Variants in KLF12 observed in about 807,000 individuals in gnomAD.
The protein encoded by KLF12 is KLF transcription factor 12.
A neutral mutation model predicts 37.8 loss-of-function variants in KLF12; 9 were observed. The observed-to-expected ratio is 0.24, with a 90% CI of 0.14 to 0.42. The LOEUF (loss-of-function observed/expected upper bound fraction) is 0.42. Ranked by LOEUF, KLF12 falls within the 10% of genes least tolerant of loss-of-function variation. KLF12 has a pLI of 1.00. For missense variants in KLF12, 411 were observed against 516.0 expected (o/e 0.80, Z 1.97); for synonymous variants, 208 against 202.1 (o/e 1.03, Z -0.25).
chr13:74,176,555 C>G, the KLF12 span, among the ~76,000 whole-genome samples: 3 of 152,180 alleles, frequency 2.0e-5, no homozygotes, highest in Admixed American at 6.6e-5. Context: ...GCACTGAAAC[C>G]TTCAGCTCAG....
chr13:74,272,979 A>T, the KLF12 span, among the ~76,000 whole-genome samples: 1 of 152,180 alleles, frequency 6.6e-6, no homozygotes, highest in Admixed American at 6.5e-5. Context: ...AGGAGAAACT[A>T]CATTGCTTTA....
At chr13:73,896,608 C>T (rs1594225553) in intron 3 of KLF12, among the ~76,000 whole-genome samples, 1 of 152,196 alleles carries the variant, frequency 6.6e-6, no homozygotes, top group East Asian at 1.9e-4. Context: ...GTTTACATCC[C>T]CATCTAATTC....
the KLF12 span, among the ~76,000 whole-genome samples, chr13:74,246,596 A>T: frequency 1.3e-5 from 2 of 152,222 alleles, no homozygotes; most frequent in Non-Finnish European, 2.9e-5. Flanking sequence ...AACACAGACC[A>T]ATGTGAGGAA....
chr13:74,026,681 T>G (rs952724833), intron 1 of KLF12, among the ~76,000 whole-genome samples: 6 of 152,198 alleles, frequency 3.9e-5, no homozygotes, highest in Admixed American at 6.5e-5. Context: ...CAAATATCAG[T>G]ATCATTCACC....
chr13:73,844,046 T>C (rs12584443), intron 4 of KLF12, among the ~76,000 whole-genome samples: 2 of 152,242 alleles, frequency 1.3e-5, no homozygotes, highest in East Asian at 3.9e-4. Flanking sequence ...TTTGTTTCTT[T>C]CATTAGTGAA....
At chr13:73,920,286 T>C (rs954718107) in intron 3 of KLF12, among the ~76,000 whole-genome samples, 1 of 152,204 alleles carries the variant, frequency 6.6e-6, no homozygotes, top group African/African-American at 2.4e-5. Context: ...TATGTATAAC[T>C]ATGTACATAT....
At chr13:73,907,280 A>G (rs7318799) in intron 3 of KLF12, among the ~76,000 whole-genome samples, 7,542 of 152,112 alleles carry the variant, frequency 0.05, 440 homozygotes, top group African/African-American at 0.14. Flanking sequence ...ATGTCTACCT[A>G]TGGTGCCTCC....
intron 1 of KLF12, among the ~76,000 whole-genome samples, chr13:74,021,957 T>C (rs1212777292): frequency 6.6e-6 from 1 of 152,100 alleles, no homozygotes; most frequent in African/African-American, 2.4e-5. Flanking sequence ...TCTCAAAACA[T>C]AGTGATGGTC....
At chr13:73,801,874 C>A (rs932376727) in intron 5 of KLF12, 2 of 151,508 alleles carry the variant, frequency 1.3e-5, no homozygotes, top group African/African-American at 4.9e-5. Context: ...TTTTGGAATC[C>A]CCTACTTAAA....
chr13:74,214,363 C>T, the KLF12 span, among the ~76,000 whole-genome samples: 1 of 152,124 alleles, frequency 6.6e-6, no homozygotes. Context: ...TTCTCCTCTC[C>T]TCTGTTCTGG....
the KLF12 span, among the ~76,000 whole-genome samples, chr13:74,255,373 T>C: frequency 2.0e-5 from 3 of 152,218 alleles, no homozygotes; most frequent in African/African-American, 7.2e-5. Context: ...TATAACATCA[T>C]TGTTTTTGAT....
At chr13:74,220,118 A>G in the KLF12 span, among the ~76,000 whole-genome samples, 3 of 151,982 alleles carry the variant, frequency 2.0e-5, no homozygotes, top group Admixed American at 2.0e-4. Flanking sequence ...CTTTTTGTGC[A>G]TTGTTTTGGT....
At position 73,811,045 on chromosome 13, in the gene KLF12, A is replaced by G. The variant is rs187247765; in HGVS notation, c.806+2107T>C. ...CTGTTGCCCAGGCTGGAGTACAGTG[A>G]TGTGATCTCAGCTCACTGCAACCTC... On this transcript the variant is annotated intron_variant, in intron 5 of 7. Coordinates refer to ENST00000377669, the MANE Select transcript of KLF12 (RefSeq NM_007249.5). Among the ~76,000 whole-genome samples the G allele has an allele frequency of 8.7e-5, 10 of 115,532 alleles. No individual in the cohort carries two copies. In the East Asian group the frequency reaches 2.3e-3, roughly 27 times the overall value. The allele number at this position is 115,532 out of a possible 152,430, so 75.8% of individuals were successfully genotyped here.
the KLF12 span, among the ~76,000 whole-genome samples, chr13:74,280,785 A>G: frequency 1.3e-5 from 2 of 151,010 alleles, no homozygotes; most frequent in African/African-American, 4.9e-5. Flanking sequence ...GACGAACTGT[A>G]TGTAGAAACT....
chr13:73,777,749 TG>T (rs1880706186), intron 5 of KLF12, among the ~76,000 whole-genome samples: 1 of 149,788 alleles, frequency 6.7e-6, no homozygotes, highest in African/African-American at 2.5e-5. Flanking sequence ...GGCAAACGGG[TG>T]TGCAAATGGA....
the KLF12 span, among the ~76,000 whole-genome samples, chr13:74,169,890 A>G: frequency 1.3e-5 from 2 of 152,328 alleles, no homozygotes; most frequent in South Asian, 4.1e-4. Context: ...TTTACAGAAA[A>G]GCAGCTGTGT....
the KLF12 span, among the ~76,000 whole-genome samples, chr13:74,210,667 A>T: frequency 6.6e-6 from 1 of 152,154 alleles, no homozygotes; most frequent in Non-Finnish European, 1.5e-5. Flanking sequence ...AATTATCTAT[A>T]ACTTTAGTGC....
chr13:74,073,728 G>A (rs1487808967), intron 1 of KLF12, among the ~76,000 whole-genome samples: 2 of 152,130 alleles, frequency 1.3e-5, no homozygotes, highest in African/African-American at 2.4e-5. Flanking sequence ...AGGATTGAGG[G>A]GGGAATGCAG....
intron 4 of KLF12, among the ~76,000 whole-genome samples, chr13:73,826,126 C>T (rs1336701193): frequency 1.3e-5 from 2 of 152,070 alleles, no homozygotes; most frequent in Non-Finnish European, 2.9e-5. Context: ...GCGCCCGCCA[C>T]CACGCCTGGC....
Sources: gnomAD v4.1 joint callset for allele counts (sites outside exome capture counted in the v4.1 genomes callset) on GRCh38, gnomAD v4.1.1 for gene constraint, MANE v1.5 for transcripts, NCBI Gene and HGNC (gene_info 2026-07-23, HGNC 2026-07-21) for gene names.